Variants in HSF2 observed in about 807,000 individuals in gnomAD.
HSF2 encodes the protein heat shock transcription factor 2.
A neutral mutation model predicts 65.0 loss-of-function variants in HSF2; 21 were observed. The observed-to-expected ratio is 0.32, with a 90% CI of 0.23 to 0.47. HSF2 has a LOEUF of 0.47. Among genes scored for constraint, HSF2 ranks in the 20% least tolerant of loss-of-function variants. The pLI is 1.00. For missense variants in HSF2, 499 were observed against 628.1 expected (o/e 0.79, Z 2.20); for synonymous variants, 225 against 219.1 (o/e 1.03, Z -0.24).
chr6:122,399,643 G>T (rs894916552), upstream of HSF2: 42 of 981,032 alleles, frequency 4.3e-5, no homozygotes, highest in Non-Finnish European at 6.4e-5. Flanking sequence ...CTGCGCCTGC[G>T]TTGTGGGCGT....
chr6:122,404,356 G>A (rs1773813903), intron 1 of HSF2, among the ~76,000 whole-genome samples: 1 of 152,146 alleles, frequency 6.6e-6, no homozygotes, highest in African/African-American at 2.4e-5. Context: ...AAGTGTGGGA[G>A]GATGGGGGTA....
intron 1 of HSF2, among the ~76,000 whole-genome samples, chr6:122,405,264 A>C (rs1760608797): frequency 6.6e-6 from 1 of 151,700 alleles, no homozygotes; most frequent in Non-Finnish European, 1.5e-5. Context: ...CTTAAAAAAA[A>C]AAAAAAAAAA....
At chr6:122,431,357 G>T (rs1227535406) in intron 11 of HSF2, 73 bp from the exon 12 acceptor site, 1 of 611,812 alleles carries the variant, frequency 1.6e-6, no homozygotes, top group Non-Finnish European at 2.6e-6. Context: ...TTTACATATT[G>T]TATCAATTTT....
intron 10 of HSF2, 52 bp from the exon 11 acceptor site, chr6:122,427,851 A>G: frequency 2.2e-6 from 3 of 1,391,896 alleles, no homozygotes; most frequent in African/African-American, 1.4e-5. Flanking sequence ...TGAACACACA[A>G]TTATTTTTAA....
chr6:122,423,329 A>G (rs1260459334), intron 9 of HSF2, among the ~76,000 whole-genome samples: 1 of 152,172 alleles, frequency 6.6e-6, no homozygotes. Flanking sequence ...AGTATAGAGG[A>G]AAAAGGTAAA....
chr6:122,427,925 T>A lies in HSF2; in HGVS notation c.1199T>A (p.Met400Lys). The A allele has an allele frequency of 6.2e-7, 1 of 1,602,710 alleles. No homozygotes were observed. The highest frequency in any genetic ancestry group is 8.5e-7 in the Non-Finnish European group (1 of 1,171,406). The change falls in exon 11 of 13, where the codon ATG (methionine) becomes AAG (lysine). Residue 400 changes from methionine to lysine, a missense_variant. Met to Lys is a moderately conservative substitution (Grantham distance 95). Transcript: ENST00000368455. Reference sequence around the variant, plus strand: ...CAGCTTTTCACTAGTTCTGTGCAGATGAATCCCACAGATTACATCAATAAT... The same window carrying A: ...CAGCTTTTCACTAGTTCTGTGCAGAAGAATCCCACAGATTACATCAATAAT... ...LVDLFTSSVQMNPTDYINNTK... is the reference protein window; with the variant it reads ...LVDLFTSSVQKNPTDYINNTK...
In HSF2 at chr6:122,416,022, T is replaced by A. The variant is rs189841318; in HGVS notation, c.456-199T>A. Among the ~76,000 whole-genome samples, 483 of 152,064 alleles carry A rather than the reference T, an allele frequency of 3.2e-3. 3 individuals are homozygous for A. Among genetic ancestry groups the A allele is most frequent in the Middle Eastern group, 6.8e-3 (2 of 294 alleles). ...ACAGAGCAAAGCTACACCTTTTTTT[T>A]AAAAAAAGAATGATTCAGGAGTTGT... On this transcript the variant is annotated intron_variant, in intron 4 of 12. Transcript: ENST00000368455.
intron 1 of HSF2, among the ~76,000 whole-genome samples, chr6:122,410,417 T>A (rs1398791436): frequency 6.6e-6 from 1 of 151,954 alleles, no homozygotes; most frequent in African/African-American, 2.4e-5. Context: ...CTAATTTTTT[T>A]AATTGTGGTA....
intron 1 of HSF2, among the ~76,000 whole-genome samples, chr6:122,404,973 T>A (rs1417491057): frequency 6.6e-6 from 1 of 152,120 alleles, no homozygotes; most frequent in Non-Finnish European, 1.5e-5. Context: ...AAAATTCAGT[T>A]TATTTGGCCA....
At chr6:122,426,764 C>G (rs1774347519) in intron 10 of HSF2, among the ~76,000 whole-genome samples, 1 of 151,944 alleles carries the variant, frequency 6.6e-6, no homozygotes, top group Non-Finnish European at 1.5e-5. Flanking sequence ...TCCTGTGAAC[C>G]ATTTGGTGTG....
intron 1 of HSF2, among the ~76,000 whole-genome samples, chr6:122,409,441 G>T (rs1459961176): frequency 6.6e-6 from 1 of 151,864 alleles, no homozygotes; most frequent in Non-Finnish European, 1.5e-5. Flanking sequence ...GGAGAAGGGG[G>T]GTTTAAAATA....
intron 1 of HSF2, among the ~76,000 whole-genome samples, chr6:122,409,972 G>A (rs1773953629): frequency 6.6e-6 from 1 of 151,866 alleles, no homozygotes; most frequent in South Asian, 2.1e-4. Context: ...TAAATTCTCA[G>A]ATAGATTTGC....
intron 1 of HSF2, among the ~76,000 whole-genome samples, chr6:122,406,711 T>C (rs1405722155): frequency 6.6e-6 from 1 of 152,214 alleles, no homozygotes. Context: ...ATCCATTTGC[T>C]GAGGAAAGAT....
At chr6:122,428,985 T>G (rs1204251113) in intron 11 of HSF2, among the ~76,000 whole-genome samples, 4 of 152,108 alleles carry the variant, frequency 2.6e-5, no homozygotes, top group Non-Finnish European at 4.4e-5. Flanking sequence ...TCAGGCCATA[T>G]GTTCTCTGTC....
rs757497723 is a variant in HSF2, at chr6:122,419,248, G to A, written c.593+19G>A. The A allele has an allele frequency of 3.1e-6, 4 of 1,302,816 alleles. No homozygotes were observed. Among genetic ancestry groups the A allele is most frequent in the Non-Finnish European group, 4.4e-6 (4 of 903,240 alleles). The allele number at this position is 1,302,816 out of a possible 1,614,324, so 80.7% of individuals were successfully genotyped here. Reference sequence around the variant, plus strand: ...GTAAAAGGTAAGTTTTTATGATAAAGTATTATGTCCTGTATATAGGCAGTC... The same window carrying A: ...GTAAAAGGTAAGTTTTTATGATAAAATATTATGTCCTGTATATAGGCAGTC... On this transcript the variant is annotated intron_variant, in intron 6 of 12. Transcript: ENST00000368455.
chr6:122,403,375 A>T (rs895717440), intron 1 of HSF2, among the ~76,000 whole-genome samples: 2 of 152,126 alleles, frequency 1.3e-5, no homozygotes, highest in African/African-American at 4.8e-5. Context: ...GGAGGCCAAG[A>T]TGGGCAGGTT....
intron 7 of HSF2, among the ~76,000 whole-genome samples, chr6:122,421,642 A>C (rs74958447): frequency 1.3e-5 from 2 of 152,084 alleles, no homozygotes; most frequent in African/African-American, 2.4e-5. Flanking sequence ...TTAAAAAAAA[A>C]TCATTGCTAA....
chr6:122,423,151 A>G (rs1774272962), intron 9 of HSF2, among the ~76,000 whole-genome samples, 194 bp downstream of exon 9: 1 of 152,114 alleles, frequency 6.6e-6, no homozygotes. Context: ...TTTTCCTGGT[A>G]GTTTCTCAGA....
chr6:122,423,445 G>C, intron 9 of HSF2, 136 bp from the exon 10 acceptor site: 1 of 495,374 alleles, frequency 2.0e-6, no homozygotes, highest in Non-Finnish European at 3.6e-6. Flanking sequence ...TCTAGAATAA[G>C]ATCTCTTAAG....
Sources: allele counts gnomAD v4.1 joint callset (sites outside exome capture counted in the v4.1 genomes callset), GRCh38; gene constraint gnomAD v4.1.1; transcripts MANE v1.5; gene names NCBI Gene and HGNC (gene_info 2026-07-23, HGNC 2026-07-21).